OGFOD2: variants seen among roughly 807,000 people sequenced by gnomAD.
OGFOD2 encodes the protein 2-oxoglutarate and iron dependent oxygenase domain containing 2, also known as 2-oxoglutarate and iron-dependent oxygenase domain-containing protein 2.
Under a neutral mutation model 31.1 loss-of-function variants are expected in OGFOD2, and 34 were observed. The observed-to-expected ratio is 1.09, with a 90% CI of 0.83 to 1.45. OGFOD2 has a LOEUF of 1.45. OGFOD2 is among the 40% of genes most tolerant of loss of function. The pLI, the probability that OGFOD2 is intolerant of heterozygous loss-of-function variation, is 0.00. For synonymous variants in OGFOD2, 240 were observed against 192.3 expected (o/e 1.25, Z -2.05); for missense variants, 537 against 433.9 (o/e 1.24, Z -2.11).
At chr12:122,975,114 C>T (rs548502599), upstream of OGFOD2, 5 of 511,094 alleles carry the variant, frequency 9.8e-6, no homozygotes, top group Non-Finnish European at 1.4e-5. Context: ...AGACCGTTTC[C>T]TGGCGAGGTG....
At chr12:122,979,211 G>T in exon 7 of OGFOD2, 1 of 1,612,362 alleles carries the variant, frequency 6.2e-7, no homozygotes, top group Non-Finnish European at 8.5e-7. Context: ...TTGTCGTCTG[G>T]CTCCGAGCCT....
rs564026261 is a variant in OGFOD2, at chr12:122,978,687, C to T, written c.532-66C>T. On this transcript the variant is annotated intron_variant, in intron 5 of 6. Transcript: ENST00000228922. ...CGAAAGAAGGTCACAGTGGGATCAC[C>T]GTGGAGTGGAAGCCCAGGGTTGCAG... 1,004 of 1,586,410 alleles carry T rather than the reference C, an allele frequency of 6.3e-4. 1 individual carries two copies. The highest frequency in any genetic ancestry group is 1.3e-3 in the Admixed American group (78 of 58,970).
chr12:122,979,458 G>A, exon 7 of OGFOD2: 7 of 1,333,228 alleles, frequency 5.3e-6, no homozygotes, highest in Non-Finnish European at 7.0e-6. Flanking sequence ...TCAACGGTGT[G>A]CCAGCTTCTG....
intron 2 of OGFOD2, 120 bp from the exon 3 acceptor site, chr12:122,976,534 G>A (rs1450148281): frequency 7.8e-7 from 1 of 1,286,302 alleles, no homozygotes; most frequent in East Asian, 2.4e-5. Context: ...CAGGAGTGTA[G>A]GCTAGACTTG....
In OGFOD2 at chr12:122,978,807, C is replaced by T. The variant is rs774827025; in HGVS notation, c.586C>T (p.Arg196Cys). The change falls in exon 6 of 7, where the codon CGC (arginine) becomes TGC (cysteine). Residue 196 changes from arginine (R) to cysteine (C), a missense_variant. Transcript: ENST00000228922. ...GCCGCTGATGACACCACTGCGGGAGCGCTTCCTGCAGCCGCTGATGGCCCT... is the reference window on the plus strand; with the variant it reads ...GCCGCTGATGACACCACTGCGGGAGTGCTTCCTGCAGCCGCTGATGGCCCT... 24 of 1,612,180 alleles carry T rather than the reference C, an allele frequency of 1.5e-5. No homozygotes were observed. The highest frequency in any genetic ancestry group is 1.0e-4 in the Admixed American group (6 of 59,964).
rs771707873 is a variant in OGFOD2, at chr12:122,979,017, G to T, written c.789+7G>T. The T allele has an allele frequency of 1.2e-6, 2 of 1,611,102 alleles. No individual in the cohort carries two copies. Among genetic ancestry groups the T allele is most frequent in the Non-Finnish European group, 8.5e-7 (1 of 1,178,440 alleles). Reference sequence around the variant, plus strand: ...TTTTGGGGGCCTCTTCCAGGTGAGTGTGTGACCCATGCGGCAGGGCCTGGG... The same window carrying T: ...TTTTGGGGGCCTCTTCCAGGTGAGTTTGTGACCCATGCGGCAGGGCCTGGG... On this transcript the variant is annotated splice_region_variant and intron_variant, in intron 6 of 6. Transcript: ENST00000228922.
intron 4 of OGFOD2, chr12:122,977,211 G>C (rs1294477957): frequency 1.8e-6 from 1 of 540,684 alleles, no homozygotes; most frequent in African/African-American, 1.9e-5. Flanking sequence ...CCCTCATCCA[G>C]CAAATAGTGG....
At chr12:122,975,286 G>C (rs759379455) in exon 1 of OGFOD2, 3 of 694,302 alleles carry the variant, frequency 4.3e-6, no homozygotes, top group South Asian at 3.0e-5. Context: ...CACTTCTGCC[G>C]CTGCGCCTGC....
upstream of OGFOD2, chr12:122,975,146 T>G (rs2037370928): frequency 6.0e-6 from 3 of 502,492 alleles, no homozygotes; most frequent in African/African-American, 3.9e-5. Context: ...TTTTCCGCCC[T>G]TGGGAACTTA....
intron 2 of OGFOD2, 46 bp downstream of exon 2, chr12:122,975,913 G>T (rs769470286): frequency 7.2e-6 from 5 of 692,920 alleles, no homozygotes; most frequent in Non-Finnish European, 1.3e-5. Context: ...TTAGATTTGT[G>T]TCCGCAGCTT....
chr12:122,975,196 TGG>T, upstream of OGFOD2: 1 of 540,134 alleles, frequency 1.9e-6, no homozygotes, highest in Non-Finnish European at 3.4e-6. Flanking sequence ...CTCCCGCGGT[TGG>T]GGGCGTGCCC....
exon 3 of OGFOD2, chr12:122,976,745 C>G: frequency 6.2e-7 from 1 of 1,613,910 alleles, no homozygotes; most frequent in South Asian, 1.1e-5. Context: ...CCGGCACGGC[C>G]TGAGGTCTAC....
chr12:122,975,067 G>T (rs370743365), upstream of OGFOD2: 105 of 467,442 alleles, frequency 2.2e-4, no homozygotes, highest in African/African-American at 1.9e-3. Context: ...CGAGGAGGCC[G>T]CCGGTCCCAA....
In OGFOD2 at chr12:122,976,639, C is replaced by T. The variant is rs1267944224; in HGVS notation, c.190-15C>T. The T allele has an allele frequency of 3.8e-6, 6 of 1,564,114 alleles. No individual in the cohort carries two copies. The highest frequency in any genetic ancestry group is 5.3e-6 in the Non-Finnish European group (6 of 1,134,616). On this transcript the variant is annotated splice_polypyrimidine_tract_variant and intron_variant, in intron 2 of 6. Coordinates refer to ENST00000228922, the Ensembl canonical transcript of OGFOD2. ...ATGGGAGGCCCCACCTGGTAACAAC[C>T]CTGTGCCACCCCAGCTTGAGCAGGA...
chr12:122,979,343 C>G (rs746086798), exon 7 of OGFOD2: 1 of 1,598,784 alleles, frequency 6.3e-7, no homozygotes, highest in Admixed American at 1.7e-5. Context: ...GTGCGCTCAC[C>G]TGAGCTTGCT....
chr12:122,978,799 T>C (rs749516333), exon 6 of OGFOD2: 1 of 1,612,240 alleles, frequency 6.2e-7, no homozygotes, highest in Non-Finnish European at 8.5e-7. Flanking sequence ...ATGACACCAC[T>C]GCGGGAGCGC....
At chr12:122,976,567 G>A in intron 2 of OGFOD2, 87 bp from the exon 3 acceptor site, 1 of 1,297,460 alleles carries the variant, frequency 7.7e-7, no homozygotes, top group Non-Finnish European at 1.1e-6. Context: ...GGCCCTGTCT[G>A]GCGTTCTGGG....
exon 7 of OGFOD2, chr12:122,979,432 T>G: frequency 6.9e-7 from 1 of 1,449,794 alleles, no homozygotes; most frequent in Non-Finnish European, 9.2e-7. Context: ...CCCCGCAGCC[T>G]ACTGCACTTC....
rs912622871 is a variant in OGFOD2, at chr12:122,976,039, A to C, written c.189+172A>C. On this transcript the variant is annotated intron_variant, in intron 2 of 6. Coordinates refer to ENST00000228922, the Ensembl canonical transcript of OGFOD2. The stretch of plus-strand genomic sequence containing the variant: ...TCCACACCTGAGTCTTGGCACCAGG[A>C]GAGAGAAGGGGAAATGCTAAGTTGC... The C allele has an allele frequency of 1.7e-5, 10 of 605,282 alleles. No homozygotes were observed. The African/African-American group carries it at 1.8e-4, about 11-fold the overall frequency. The allele number at this position is 605,282 out of a possible 1,614,324, so 37.5% of individuals were successfully genotyped here. A position where few individuals can be genotyped will look rare whatever the true frequency, so the allele number is the denominator to read the frequency against.
Sources: gnomAD v4.1 joint callset for allele counts on GRCh38, gnomAD v4.1.1 for gene constraint, MANE v1.5 for transcripts, NCBI Gene and HGNC (gene_info 2026-07-23, HGNC 2026-07-21) for gene names.